MOB3A: variants seen among roughly 807,000 people sequenced by gnomAD.
MOB3A encodes the protein MOB LAK.
MOB3A carries 17 observed loss-of-function variants against 17.8 expected under a neutral mutation model. The ratio of observed to expected loss-of-function variants is 0.95; its 90% CI spans 0.65 to 1.43. The LOEUF (loss-of-function observed/expected upper bound fraction) is 1.43. Ranked by LOEUF, MOB3A falls within the 40% of genes most tolerant of loss-of-function variation. The probability of loss-of-function intolerance (pLI) is 0.00; values close to 1 mark genes in which losing one functional copy is unlikely to be tolerated. For missense variants in MOB3A, 333 were observed against 310.8 expected, an observed-to-expected ratio of 1.07 and a Z score of -0.54; for synonymous variants, 124 against 133.2, an observed-to-expected ratio of 0.93 and a Z score of 0.48.
chr19:2,093,578 C>G lies in MOB3A; in HGVS notation c.-274+2648G>C, dbSNP rs1204962226. On this transcript the variant is annotated intron_variant, in intron 1 of 4. Coordinates refer to ENST00000357066, the MANE Select transcript of MOB3A (RefSeq NM_130807.3). This position sits in a 1 kb window ranked among gnomAD's most constrained non-coding sequence, Gnocchi z 4.6. ...GCCAGGCTGGTCTTGAATGCCTGAC[C>G]TCAGGTGATCTGCTCTCCTCGGCCT... Among the ~76,000 whole-genome samples the G allele has an allele frequency of 6.6e-6, 1 of 152,120 alleles. No individual in the cohort carries two copies. Among genetic ancestry groups the G allele is most frequent in the African/African-American group, 2.4e-5 (1 of 41,416 alleles).
intron 2 of MOB3A, among the ~76,000 whole-genome samples, chr19:2,083,446 A>G (rs954681834): frequency 6.6e-6 from 1 of 152,176 alleles, no homozygotes; most frequent in Non-Finnish European, 1.5e-5. Context: ...TCCCCTCAGG[A>G]GAAGGGAAAA....
chr19:2,084,468 C>T lies in MOB3A; in HGVS notation c.-120+707G>A, dbSNP rs111873054. Among the ~76,000 whole-genome samples, 112 of 152,070 alleles carry T rather than the reference C, an allele frequency of 7.4e-4. 1 individual carries two copies. The highest frequency in any genetic ancestry group is 2.5e-3 in the African/African-American group (104 of 41,502). ...TGAGATCACGCCACTGCACTCCAGC[C>T]CTGGTGACAGAGTGAGACTCCGTCA... On this transcript the variant is annotated intron_variant, in intron 2 of 4. Transcript: ENST00000357066.
rs762458194 is a variant in MOB3A at position 2,078,289 on chromosome 19, A to G, written c.272T>C (p.Met91Thr). ...DGCTEQSCPV[M>T]SGGPKYEYRW... ...GTACTCATACTTGGGGCCCCCCGAC[A>G]TGACGGGGCAGGACTGCTCCGTGCA... Residue 91 changes from methionine to threonine, a missense_variant, in exon 3 of 5, where the codon ATG (methionine) becomes ACG (threonine). Met to Thr is a moderately conservative substitution (Grantham distance 81). Transcript: ENST00000357066. The G allele has an allele frequency of 1.2e-5, 20 of 1,614,004 alleles. No homozygotes were observed. Among genetic ancestry groups the G allele is most frequent in the Middle Eastern group, 1.6e-4 (1 of 6,084 alleles).
At chr19:2,091,549 A>C (rs368946493) in intron 1 of MOB3A, among the ~76,000 whole-genome samples, 3 of 151,494 alleles carry the variant, frequency 2.0e-5, no homozygotes, top group Non-Finnish European at 4.4e-5. Context: ...ACGCCCAGCT[A>C]ATTTTTGTAT....
rs1004711426 is a variant in MOB3A, at chr19:2,094,167, C to T, written c.-274+2059G>A. ...GTTCATGCCATTCTCTTGCCTCAGC[C>T]TCCCGAGTAGCTGGGACTACGGGCA... On this transcript the variant is annotated intron_variant, in intron 1 of 4. Coordinates refer to ENST00000357066, the MANE Select transcript of MOB3A (RefSeq NM_130807.3). Among the ~76,000 whole-genome samples, 3 of 151,832 alleles carry T rather than the reference C, an allele frequency of 2.0e-5. No individual in the cohort carries two copies. In the East Asian group the frequency reaches 5.8e-4, roughly 29 times the overall value.
intron 1 of MOB3A, among the ~76,000 whole-genome samples, chr19:2,091,006 G>A (rs2017608495): frequency 6.6e-6 from 1 of 152,156 alleles, no homozygotes. Context: ...CTAATAAGCT[G>A]AATATAAAGC....
Position 2,082,342 on chromosome 19 carries a change from CT to C in MOB3A, c.-120+2832del, listed in dbSNP as rs546187118. ...TGAGCGGCATCCCTGGCCGCCGCCC[CT>C]CCCTGCCAGGAGCTCCCCCAAGTTA... On this transcript the variant is annotated intron_variant, in intron 2 of 4. Coordinates refer to ENST00000357066, the MANE Select transcript of MOB3A (RefSeq NM_130807.3). This position sits in a 1 kb window ranked among gnomAD's most constrained non-coding sequence, Gnocchi z 4.1. 6.6e-6 allele frequency among the ~76,000 whole-genome samples: 1 copy of C among 152,362 alleles called. No homozygotes were observed. The highest frequency in any genetic ancestry group is 1.9e-4 in the East Asian group (1 of 5,182).
intron 3 of MOB3A, among the ~76,000 whole-genome samples, chr19:2,077,591 T>C (rs1290184434): frequency 6.6e-6 from 1 of 151,880 alleles, no homozygotes; most frequent in African/African-American, 2.4e-5. Flanking sequence ...TCCATGGCAG[T>C]GATTCTGAAA....
At chr19:2,081,505 T>G (rs2017488927) in intron 2 of MOB3A, among the ~76,000 whole-genome samples, 1 of 151,780 alleles carries the variant, frequency 6.6e-6, no homozygotes. Flanking sequence ...GGAGAATCGC[T>G]TGAACCCGGG....
chr19:2,074,505 GC>G (rs2017379304), intron 4 of MOB3A, among the ~76,000 whole-genome samples: 1 of 151,990 alleles, frequency 6.6e-6, no homozygotes, highest in African/African-American at 2.4e-5. Flanking sequence ...CAGTAGCAAA[GC>G]CTGAAAGGGG....
rs1277275892 is a variant in MOB3A, at chr19:2,071,639, C to G, written c.*1756G>C. On this transcript the variant is annotated 3_prime_UTR_variant, in exon 5 of 5. Transcript: ENST00000357066. ...GAGGTGGCTGCCTTTTCTCAGGGCCCTGCTCTCACCTTCCAAAGGTCTAGG... is the reference window on the plus strand; with the variant it reads ...GAGGTGGCTGCCTTTTCTCAGGGCCGTGCTCTCACCTTCCAAAGGTCTAGG... The G allele has an allele frequency of 2.6e-5, 4 of 152,204 alleles. No individual in the cohort carries two copies. Among genetic ancestry groups the G allele is most frequent in the Non-Finnish European group, 5.9e-5 (4 of 68,090 alleles). The allele number at this position is 152,204 out of a possible 1,614,324, so 9.4% of individuals were successfully genotyped here.
chr19:2,076,521 G>A (rs911681342), intron 4 of MOB3A, among the ~76,000 whole-genome samples: 2 of 152,198 alleles, frequency 1.3e-5, no homozygotes, highest in African/African-American at 4.8e-5. Flanking sequence ...ACTGAGCGGC[G>A]CTCTGGGACA....
chr19:2,074,138 A>C (rs1417746529), intron 4 of MOB3A, among the ~76,000 whole-genome samples: 1 of 151,968 alleles, frequency 6.6e-6, no homozygotes, highest in African/African-American at 2.4e-5. Context: ...CTAAAAATAC[A>C]AAAAAATAAG....
intron 2 of MOB3A, among the ~76,000 whole-genome samples, chr19:2,081,740 C>T (rs2017492618): frequency 6.6e-6 from 1 of 151,994 alleles, no homozygotes; most frequent in Non-Finnish European, 1.5e-5. Context: ...AAAAATTAGC[C>T]AGGCGTGATG....
At chr19:2,092,401 C>T (rs548872301) in intron 1 of MOB3A, among the ~76,000 whole-genome samples, 116 of 152,134 alleles carry the variant, frequency 7.6e-4, no homozygotes, top group Non-Finnish European at 1.5e-3. Flanking sequence ...GCGCCCGACC[C>T]TCTGTGAATC....
At position 2,076,760 on chromosome 19, in the gene MOB3A, G is replaced by A. The variant is rs536451789; in HGVS notation, c.624+51C>T. 3.3e-5 allele frequency: 52 copies of A among 1,582,648 alleles called. No homozygotes were observed. The South Asian group carries it at 5.4e-4, about 16-fold the overall frequency. ...GGCCCCGGAAGGGTTCCTCTGCCAC[G>A]GGCCACCAGCCCCACCGTAACCGCA... On this transcript the variant is annotated intron_variant, in intron 4 of 4. Transcript: ENST00000357066.
At chr19:2,092,502 C>T (rs912594506) in intron 1 of MOB3A, among the ~76,000 whole-genome samples, 1 of 151,916 alleles carries the variant, frequency 6.6e-6, no homozygotes, top group Non-Finnish European at 1.5e-5. Context: ...GGGGGTGAGG[C>T]GCGGTGGCTT....
intron 1 of MOB3A, among the ~76,000 whole-genome samples, chr19:2,087,240 A>T (rs184838022): frequency 6.6e-6 from 1 of 152,324 alleles, no homozygotes; most frequent in Admixed American, 6.5e-5. Context: ...TATGACTCAC[A>T]TCCCACACGT....
At chr19:2,074,331 C>G (rs1277027254) in intron 4 of MOB3A, among the ~76,000 whole-genome samples, 1 of 151,956 alleles carries the variant, frequency 6.6e-6, no homozygotes, top group South Asian at 2.1e-4. Flanking sequence ...TTTGCTGATC[C>G]CTGTCTTATA....
Sources: gnomAD v4.1 joint callset for allele counts (sites outside exome capture counted in the v4.1 genomes callset) on GRCh38, gnomAD v4.1.1 for gene constraint, Gnocchi (gnomAD v3.1) non-coding constraint, MANE v1.5 for transcripts, NCBI Gene and HGNC (gene_info 2026-07-23, HGNC 2026-07-21) for gene names.